The following NXPH2 variants were observed in gnomAD, a reference collection of about 807,000 sequenced individuals.
NXPH2 encodes the protein neurexophilin 2, also known as neurexophilin-2.
A neutral mutation model predicts 19.8 loss-of-function variants in NXPH2; 5 were observed. The ratio of observed to expected loss-of-function variants is 0.25; its 90% confidence interval spans 0.13 to 0.53. NXPH2 has a LOEUF of 0.53. Ranked by LOEUF, NXPH2 falls within the 20% of genes least tolerant of loss-of-function variation. The probability of loss-of-function intolerance (pLI) is 0.96; values close to 1 mark genes in which losing one functional copy is unlikely to be tolerated. For synonymous variants in NXPH2, 154 were observed against 127.4 expected, an observed-to-expected ratio of 1.21 and a Z score of -1.41; for missense variants, 289 against 322.8, an observed-to-expected ratio of 0.90 and a Z score of 0.80.
chr2:138,751,181 T>C (rs566665659), intron 1 of NXPH2, among the ~76,000 whole-genome samples: 2 of 152,244 alleles, frequency 1.3e-5, no homozygotes, highest in Non-Finnish European at 2.9e-5. Context: ...TGAACCAGAA[T>C]ATCTTGACAC....
chr2:138,677,486 A>G (rs1335321326), intron 1 of NXPH2, among the ~76,000 whole-genome samples: 1 of 152,248 alleles, frequency 6.6e-6, no homozygotes, highest in Non-Finnish European at 1.5e-5. Flanking sequence ...AAAGATTAAT[A>G]AATGCAGAAG....
At position 138,773,988 on chromosome 2, in the gene NXPH2, T is replaced by C. The variant is rs189150400; in HGVS notation, c.51+6203A>G. Among the ~76,000 whole-genome samples the C allele has an allele frequency of 7.4e-4, 113 of 152,316 alleles. 1 individual carries two copies. Among genetic ancestry groups the C allele is most frequent in the African/African-American group, 2.6e-3 (109 of 41,566 alleles). The stretch of plus-strand genomic sequence containing the variant: ...TTTTTGTTTGTTTTATTTTTAAAAT[T>C]TTGTAACATTTACATGTGAACTCCT... On this transcript the variant is annotated intron_variant, in intron 1 of 1. Coordinates refer to ENST00000272641, the MANE Select transcript of NXPH2 (RefSeq NM_007226.3).
chr2:138,707,765 T>C (rs559404500), intron 1 of NXPH2, among the ~76,000 whole-genome samples: 36 of 152,324 alleles, frequency 2.4e-4, no homozygotes, highest in African/African-American at 8.4e-4. Flanking sequence ...TGTATCCAAG[T>C]GCCAGGTCTT....
chr2:138,714,052 T>C (rs1681152942), intron 1 of NXPH2, among the ~76,000 whole-genome samples: 1 of 152,172 alleles, frequency 6.6e-6, no homozygotes, highest in African/African-American at 2.4e-5. Context: ...TTTTTTCTTA[T>C]TGTCATAAAA....
intron 1 of NXPH2, among the ~76,000 whole-genome samples, chr2:138,713,746 C>T (rs1000417835): frequency 6.6e-6 from 1 of 152,070 alleles, no homozygotes; most frequent in Non-Finnish European, 1.5e-5. Flanking sequence ...ACAGCAGGGA[C>T]AGAGGGGAGC....
At chr2:138,768,196 T>G (rs904267760) in intron 1 of NXPH2, among the ~76,000 whole-genome samples, 3 of 152,208 alleles carry the variant, frequency 2.0e-5, no homozygotes, top group African/African-American at 7.2e-5. Context: ...AGGTAAGTTG[T>G]TCTGTTTTCT....
At chr2:138,714,690 T>C (rs2104989947) in intron 1 of NXPH2, among the ~76,000 whole-genome samples, 2 of 152,344 alleles carry the variant, frequency 1.3e-5, no homozygotes. Flanking sequence ...GATAATGGTG[T>C]TAATTTCATT....
intron 1 of NXPH2, among the ~76,000 whole-genome samples, chr2:138,740,441 T>C (rs899016873): frequency 1.3e-5 from 2 of 152,202 alleles, no homozygotes; most frequent in African/African-American, 4.8e-5. Context: ...TTTCAGAAGT[T>C]TACCAAAATG....
At chr2:138,729,129 C>T (rs1681405572) in intron 1 of NXPH2, among the ~76,000 whole-genome samples, 1 of 152,124 alleles carries the variant, frequency 6.6e-6, no homozygotes, top group Non-Finnish European at 1.5e-5. Flanking sequence ...TCCTTCTCCT[C>T]AACAGCTTTA....
chr2:138,695,141 T>C (rs1257146021), intron 1 of NXPH2, among the ~76,000 whole-genome samples: 2 of 152,134 alleles, frequency 1.3e-5, no homozygotes, highest in African/African-American at 2.4e-5. Flanking sequence ...GGTGCATGAC[T>C]ATATCATTGC....
intron 1 of NXPH2, among the ~76,000 whole-genome samples, chr2:138,765,306 T>C (rs761818989): frequency 8.5e-5 from 13 of 152,214 alleles, no homozygotes; most frequent in Non-Finnish European, 1.5e-4. Flanking sequence ...CCCAGCTGTG[T>C]TCCACTGTGG....
intron 1 of NXPH2, among the ~76,000 whole-genome samples, chr2:138,685,167 C>T (rs1680629343): frequency 1.3e-5 from 2 of 152,178 alleles, no homozygotes; most frequent in African/African-American, 4.8e-5. Flanking sequence ...ACTGAGGTTT[C>T]CTTGAAAAAG....
intron 1 of NXPH2, among the ~76,000 whole-genome samples, chr2:138,708,728 C>CT (rs1175294670): frequency 1.3e-5 from 2 of 152,184 alleles, no homozygotes. Flanking sequence ...AAGTTAACTA[C>CT]TGTGAACTGG....
At chr2:138,672,681 T>C (rs1005097845) in intron 1 of NXPH2, among the ~76,000 whole-genome samples, 1 of 152,186 alleles carries the variant, frequency 6.6e-6, no homozygotes, top group Admixed American at 6.5e-5. Context: ...ACCACTCTTG[T>C]AATGATTCTA....
At chr2:138,725,478 C>T (rs958762916) in intron 1 of NXPH2, among the ~76,000 whole-genome samples, 4 of 152,140 alleles carry the variant, frequency 2.6e-5, no homozygotes, top group Non-Finnish European at 4.4e-5. Context: ...ACATGAGTGT[C>T]GGATTCGATA....
chr2:138,714,932 G>A (rs1400856951), intron 1 of NXPH2, among the ~76,000 whole-genome samples: 2 of 152,154 alleles, frequency 1.3e-5, no homozygotes, highest in African/African-American at 2.4e-5. Context: ...CAGCAAGAAT[G>A]ACTAAAAGAA....
intron 1 of NXPH2, among the ~76,000 whole-genome samples, chr2:138,764,073 G>A (rs1016368843): frequency 6.6e-6 from 1 of 152,056 alleles, no homozygotes; most frequent in Non-Finnish European, 1.5e-5. Flanking sequence ...AATACCATGA[G>A]ATAAATGCTA....
intron 1 of NXPH2, among the ~76,000 whole-genome samples, chr2:138,711,866 C>T (rs1681111751): frequency 6.6e-6 from 1 of 152,186 alleles, no homozygotes; most frequent in African/African-American, 2.4e-5. Context: ...CATGATCACT[C>T]TAGCTAGAAG....
At chr2:138,758,138 C>G (rs1479666143) in intron 1 of NXPH2, among the ~76,000 whole-genome samples, 1 of 151,992 alleles carries the variant, frequency 6.6e-6, no homozygotes, top group East Asian at 1.9e-4. Flanking sequence ...AGGCCAAAAC[C>G]CTTTTATGAT....
Sources: gnomAD v4.1 joint callset for allele counts (sites outside exome capture counted in the v4.1 genomes callset) on GRCh38, gnomAD v4.1.1 for gene constraint, MANE v1.5 for transcripts, NCBI Gene and HGNC (gene_info 2026-07-23, HGNC 2026-07-21) for gene names.